GRK5: variants seen among roughly 807,000 people sequenced by gnomAD.
GRK5 encodes g protein-coupled receptor kinase GRK5.
GRK5 carries 40 observed loss-of-function variants against 78.4 expected under a neutral mutation model. The ratio of observed to expected loss-of-function variants is 0.51; its 90% CI spans 0.40 to 0.66. GRK5 has a LOEUF of 0.66. Ranked by LOEUF, GRK5 falls within the 30% of genes least tolerant of loss-of-function variation. GRK5 has a pLI of 0.00. For synonymous variants in GRK5, 289 were observed against 296.8 expected (o/e 0.97, Z 0.27); for missense variants, 598 against 759.9 (o/e 0.79, Z 2.50).
rs1158311359 is a variant in GRK5, at chr10:119,455,306, C to G, written c.*239C>G. 3 of 687,286 alleles carry G rather than the reference C, an allele frequency of 4.4e-6. No individual in the cohort carries two copies. The highest frequency in any genetic ancestry group is 8.0e-6 in the Non-Finnish European group (3 of 376,058). The allele number at this position is 687,286 out of a possible 1,614,324, so 42.6% of individuals were successfully genotyped here. On this transcript the variant is annotated 3_prime_UTR_variant, in exon 16 of 16. Coordinates refer to ENST00000392870, the MANE Select transcript of GRK5 (RefSeq NM_005308.3). ...TTGGATTTGTCTTTGGTGAACATTG[C>G]AATAGAAATCCAATTGGATACGACA...
chr10:119,302,924 T>C (rs1232469685), intron 1 of GRK5, among the ~76,000 whole-genome samples: 1 of 152,194 alleles, frequency 6.6e-6, no homozygotes, highest in Non-Finnish European at 1.5e-5. Context: ...GTAGTGCTGG[T>C]GATGCTGGTG....
intron 4 of GRK5, among the ~76,000 whole-genome samples, chr10:119,413,077 G>C (rs186634865): frequency 6.6e-6 from 1 of 152,230 alleles, no homozygotes; most frequent in African/African-American, 2.4e-5. Flanking sequence ...CAAACAAAGA[G>C]GGAATTTACT....
chr10:119,401,889 C>A (rs1490564506), intron 4 of GRK5, among the ~76,000 whole-genome samples: 1 of 152,236 alleles, frequency 6.6e-6, no homozygotes, highest in East Asian at 1.9e-4. Context: ...ACCCCCAAAT[C>A]TCAGGGGCTC....
chr10:119,396,858 G>C, intron 4 of GRK5, 86 bp downstream of exon 4: 1 of 1,016,088 alleles, frequency 9.8e-7, no homozygotes, highest in Non-Finnish European at 1.6e-6. Context: ...CAGGCCACAT[G>C]GGGAGCTGTT....
In GRK5 at chr10:119,431,840, G is replaced by C. The variant is rs1264294099; in HGVS notation, c.738+313G>C. ...CAGTGGACAAAGAAAGTTCACCTGG[G>C]CCCAGGCTGGGAGCTGTGGGTTCCA... On this transcript the variant is annotated intron_variant, in intron 8 of 15. Coordinates refer to ENST00000392870, the MANE Select transcript of GRK5 (RefSeq NM_005308.3). This position sits in a 1 kb window ranked among gnomAD's most constrained non-coding sequence, Gnocchi z 4.8. Among the ~76,000 whole-genome samples the C allele has an allele frequency of 6.6e-6, 1 of 152,214 alleles. No individual in the cohort carries two copies. The highest frequency in any genetic ancestry group is 1.5e-5 in the Non-Finnish European group (1 of 68,034).
intron 1 of GRK5, among the ~76,000 whole-genome samples, chr10:119,320,384 G>T (rs1398385206): frequency 1.3e-5 from 2 of 152,238 alleles, no homozygotes; most frequent in Non-Finnish European, 2.9e-5. Context: ...AGAGCTGTGG[G>T]CTGGGTCTGG....
intron 1 of GRK5, among the ~76,000 whole-genome samples, chr10:119,231,380 A>G (rs1325799815): frequency 6.6e-6 from 1 of 152,106 alleles, no homozygotes. Context: ...ACATCTAAAC[A>G]TAAAAAAAGA....
At chr10:119,425,993 TA>T (rs1310705856) in intron 6 of GRK5, among the ~76,000 whole-genome samples, 1 of 152,154 alleles carries the variant, frequency 6.6e-6, no homozygotes, top group East Asian at 1.9e-4. Flanking sequence ...GATGCCTGTG[TA>T]AAATCCATGC....
intron 1 of GRK5, among the ~76,000 whole-genome samples, chr10:119,301,341 G>A (rs1320701120): frequency 2.0e-5 from 3 of 152,152 alleles, no homozygotes; most frequent in African/African-American, 7.2e-5. Flanking sequence ...CCCTTTTGAG[G>A]CTGGCTCCTT....
chr10:119,259,147 C>T (rs1484850091), intron 1 of GRK5, among the ~76,000 whole-genome samples: 1 of 150,036 alleles, frequency 6.7e-6, no homozygotes, highest in African/African-American at 2.5e-5. Context: ...TCACTGCAAG[C>T]TCCGTCTCCC....
At chr10:119,426,541 C>T (rs1852679944) in intron 6 of GRK5, among the ~76,000 whole-genome samples, 1 of 152,222 alleles carries the variant, frequency 6.6e-6, no homozygotes, top group South Asian at 2.1e-4. Flanking sequence ...ATTGTGCCTG[C>T]ATTGTGGGCT....
chr10:119,309,745 G>A (rs996808760), intron 1 of GRK5, among the ~76,000 whole-genome samples: 4 of 152,132 alleles, frequency 2.6e-5, no homozygotes, highest in Non-Finnish European at 2.9e-5. Context: ...TGCTGTGCTG[G>A]TTTTTGCTTC....
intron 6 of GRK5, among the ~76,000 whole-genome samples, chr10:119,426,776 C>T (rs867383913): frequency 4.6e-5 from 7 of 151,832 alleles, no homozygotes; most frequent in Admixed American, 6.6e-5. Context: ...ATCAGTATAC[C>T]GCCATCAACA....
chr10:119,416,695 G>A (rs1270153686), intron 4 of GRK5, among the ~76,000 whole-genome samples: 1 of 152,038 alleles, frequency 6.6e-6, no homozygotes, highest in Non-Finnish European at 1.5e-5. Flanking sequence ...CTGGGTTCAA[G>A]CGATTCTCGT....
chr10:119,453,814 C>T (rs993607858), intron 15 of GRK5, among the ~76,000 whole-genome samples: 3 of 152,340 alleles, frequency 2.0e-5, no homozygotes, highest in Middle Eastern at 3.4e-3. Context: ...CTTCCGGCTC[C>T]TGGGATGGCC....
chr10:119,385,039 T>C (rs374866756), intron 3 of GRK5, among the ~76,000 whole-genome samples: 40 of 151,868 alleles, frequency 2.6e-4, no homozygotes, highest in African/African-American at 9.7e-4. Context: ...GCCAAGTGAA[T>C]ATGTGGTGAA....
At chr10:119,387,543 A>G (rs1008921498) in intron 3 of GRK5, among the ~76,000 whole-genome samples, 1 of 152,198 alleles carries the variant, frequency 6.6e-6, no homozygotes, top group African/African-American at 2.4e-5. Flanking sequence ...GACCTAAGCC[A>G]TGACTAGGTC....
intron 3 of GRK5, among the ~76,000 whole-genome samples, chr10:119,390,749 C>T (rs142980123): frequency 4.6e-5 from 7 of 152,224 alleles, no homozygotes; most frequent in African/African-American, 1.4e-4. Context: ...TTCACTATCC[C>T]GAGAACAGTA....
At chr10:119,244,947 C>T (rs1849081407) in intron 1 of GRK5, among the ~76,000 whole-genome samples, 1 of 152,148 alleles carries the variant, frequency 6.6e-6, no homozygotes, top group South Asian at 2.1e-4. Context: ...GTAGGATTAC[C>T]ACATGGTCCA....
Sources: allele counts gnomAD v4.1 joint callset (sites outside exome capture counted in the v4.1 genomes callset), GRCh38; gene constraint gnomAD v4.1.1; non-coding constraint Gnocchi (gnomAD v3.1); transcripts MANE v1.5; gene names NCBI Gene and HGNC (gene_info 2026-07-23, HGNC 2026-07-21).